Variants in BHMT2 observed in about 807,000 individuals in gnomAD.
BHMT2 encodes S-methylmethionine--homocysteine S-methyltransferase BHMT2.
BHMT2 carries 28 observed loss-of-function variants against 39.0 expected under a neutral mutation model. That is an observed-to-expected ratio of 0.72 (90% CI 0.53 to 0.98). The LOEUF is 0.98. Among genes scored for constraint, BHMT2 ranks in the 50% least tolerant of loss-of-function variants. The probability of loss-of-function intolerance (pLI) is 0.00; values close to 1 mark genes in which losing one functional copy is unlikely to be tolerated. For missense variants in BHMT2, 410 were observed against 455.6 expected, an observed-to-expected ratio of 0.90 and a Z score of 0.91; for synonymous variants, 145 against 160.6, an observed-to-expected ratio of 0.90 and a Z score of 0.74.
intron 1 of BHMT2, among the ~76,000 whole-genome samples, chr5:79,076,548 A>C (rs1755676796): frequency 6.6e-6 from 1 of 152,176 alleles, no homozygotes; most frequent in African/African-American, 2.4e-5. Flanking sequence ...TGAGTGGGCT[A>C]AATAGGAAGG....
intron 6 of BHMT2, 86 bp from the exon 7 acceptor site, chr5:79,083,538 GTTTT>G: frequency 6.6e-7 from 1 of 1,519,472 alleles, no homozygotes; most frequent in Non-Finnish European, 8.8e-7. Context: ...AAAGTTTATA[GTTTT>G]TTTAATTGGA....
intron 4 of BHMT2, among the ~76,000 whole-genome samples, chr5:79,081,376 C>T (rs148171182): frequency 6.6e-6 from 1 of 152,332 alleles, no homozygotes; most frequent in African/African-American, 2.4e-5. Context: ...TCTCTGCTTT[C>T]ACTCAAGCTA....
intron 2 of BHMT2, 46 bp downstream of exon 2, chr5:79,077,658 T>C: frequency 6.4e-7 from 1 of 1,563,050 alleles, no homozygotes; most frequent in South Asian, 1.2e-5. Flanking sequence ...TGGTATTTTA[T>C]TTAAATCTGA....
chr5:79,072,162 G>A (rs990308936), intron 1 of BHMT2, among the ~76,000 whole-genome samples: 4 of 152,172 alleles, frequency 2.6e-5, no homozygotes, highest in East Asian at 1.9e-4. Context: ...AGCTACTTGC[G>A]AGGCTGAGGC....
At chr5:79,074,158 C>T (rs1056530023) in intron 1 of BHMT2, among the ~76,000 whole-genome samples, 1 of 152,164 alleles carries the variant, frequency 6.6e-6, no homozygotes, top group African/African-American at 2.4e-5. Context: ...TTCTAGGGGT[C>T]ATTTCTGGAA....
chr5:79,088,816 T>C lies in BHMT2; in HGVS notation c.*242T>C. On this transcript the variant is annotated 3_prime_UTR_variant, in exon 8 of 8. Transcript: ENST00000255192. ...AAGAGAAGCGAGAGAGGCACCTTGT[T>C]CTCCAAGAACTTACTGTCCAATCAT... 1 of 370,670 alleles carries C rather than the reference T, an allele frequency of 2.7e-6. No individual in the cohort carries two copies. Among genetic ancestry groups the C allele is most frequent in the Admixed American group, 4.6e-5 (1 of 21,760 alleles). 23.0% of individuals were successfully genotyped at this position (370,670 alleles called of 1,614,324 possible).
In BHMT2 at chr5:79,082,899, G is replaced by C. The variant is rs1346466077; in HGVS notation, c.541G>C (p.Glu181Gln). The stretch of plus-strand genomic sequence containing the variant: ...GGCAGTTACCATGTGCATAGGCCCA[G>C]AGGGAGACATGCATGATATAACCCC... ...PVAVTMCIGPEGDMHDITPGE... is the reference protein window; with the variant it reads ...PVAVTMCIGPQGDMHDITPGE... Residue 181 changes from glutamate to glutamine, a missense_variant, in exon 5 of 8, where the codon GAG (glutamate) becomes CAG (glutamine). Coordinates refer to ENST00000255192, the MANE Select transcript of BHMT2 (RefSeq NM_017614.5). 1.9e-6 allele frequency: 3 copies of C among 1,614,090 alleles called. No individual in the cohort carries two copies. In the South Asian group the frequency reaches 3.3e-5, roughly 18 times the overall value.
chr5:79,070,850 T>A (rs186773783), intron 1 of BHMT2, among the ~76,000 whole-genome samples: 7 of 152,310 alleles, frequency 4.6e-5, no homozygotes, highest in Admixed American at 1.3e-4. Context: ...AATATTTATA[T>A]ACACACTGTA....
At chr5:79,078,041 T>G (rs1755710578) in intron 2 of BHMT2, 1 of 153,074 alleles carries the variant, frequency 6.5e-6, no homozygotes, top group Admixed American at 6.5e-5. Context: ...CATCTTAATA[T>G]TTGTTCCATG....
intron 7 of BHMT2, among the ~76,000 whole-genome samples, chr5:79,086,177 A>G (rs1441817928): frequency 6.6e-6 from 1 of 152,066 alleles, no homozygotes; most frequent in African/African-American, 2.4e-5. Flanking sequence ...CTCCCCGGTA[A>G]TTCTCTTGGG....
rs1461313906 is a variant in BHMT2, at chr5:79,088,634, C to T, written c.*60C>T. On this transcript the variant is annotated 3_prime_UTR_variant, in exon 8 of 8. Transcript: ENST00000255192. ...AGGAAAAAGTTGCCCTCAAGCCTGACCTGGAACCGTTCCTCACCTTCATCC... is the reference window on the plus strand; with the variant it reads ...AGGAAAAAGTTGCCCTCAAGCCTGATCTGGAACCGTTCCTCACCTTCATCC... 1 of 1,414,308 alleles carries T rather than the reference C, an allele frequency of 7.1e-7. No homozygotes were observed. The highest frequency in any genetic ancestry group is 1.4e-5 in the African/African-American group (1 of 70,670). The allele number at this position is 1,414,308 out of a possible 1,614,324, so 87.6% of individuals were successfully genotyped here. A position where few individuals can be genotyped will look rare whatever the true frequency, so the allele number is the denominator to read the frequency against.
intron 1 of BHMT2, among the ~76,000 whole-genome samples, chr5:79,073,156 G>A (rs2112692936): frequency 6.6e-6 from 1 of 152,120 alleles, no homozygotes; most frequent in East Asian, 1.9e-4. Flanking sequence ...TAGAGATGGA[G>A]TTTCACCATG....
intron 2 of BHMT2, 185 bp downstream of exon 2, chr5:79,077,797 C>G: frequency 3.4e-6 from 2 of 580,372 alleles, no homozygotes; most frequent in Non-Finnish European, 5.7e-6. Flanking sequence ...CTCTCTCTCT[C>G]TCATACACAC....
rs1395296035 is a variant in BHMT2 at position 79,083,841 on chromosome 5, C to T, written c.995C>T (p.Pro332Leu). ...AGTGGTTTGGACATGCACACCAAAC[C>T]CTGGATTAGAGCAAGGTAAGCATTT... ...WGSGLDMHTK[P>L]WIRARARREY... is the part of the protein sequence containing the mutation. Residue 332 changes from proline (P) to leucine (L), a missense_variant, in exon 7 of 8, where the codon CCC (proline) becomes CTC (leucine). Physicochemically the swap from Pro to Leu is moderately conservative, Grantham distance 98 (BLOSUM62 -3). Coordinates refer to ENST00000255192, the MANE Select transcript of BHMT2 (RefSeq NM_017614.5). The T allele has an allele frequency of 3.1e-6, 5 of 1,613,560 alleles. No individual in the cohort carries two copies. In the South Asian group the frequency reaches 3.3e-5, roughly 11 times the overall value.
rs746347820 is a variant in BHMT2 at position 79,088,592 on chromosome 5, C to A, written c.*18C>A. ...ACTTCTAAGGAGTAGTGAAAGAAAA[C>A]CCTGAAATAATCGAACAGGAAAAAG... On this transcript the variant is annotated 3_prime_UTR_variant, in exon 8 of 8. Coordinates refer to ENST00000255192, the MANE Select transcript of BHMT2 (RefSeq NM_017614.5). The A allele has an allele frequency of 1.2e-5, 20 of 1,609,174 alleles. No homozygotes were observed. The highest frequency in any genetic ancestry group is 1.6e-5 in the Non-Finnish European group (19 of 1,176,954).
chr5:79,089,010 G>T lies in BHMT2; in HGVS notation c.*436G>T, dbSNP rs1363930040. ...TAGAGCAACACTAAACTAAAGCAAT[G>T]AGTCTGCTTTTTTTAATGATTTATA... On this transcript the variant is annotated 3_prime_UTR_variant, in exon 8 of 8. Coordinates refer to ENST00000255192, the MANE Select transcript of BHMT2 (RefSeq NM_017614.5). 6.5e-6 allele frequency: 1 copy of T among 153,890 alleles called. No individual in the cohort carries two copies. The highest frequency in any genetic ancestry group is 2.4e-5 in the African/African-American group (1 of 41,574). 9.5% of individuals were successfully genotyped at this position (153,890 alleles called of 1,614,324 possible).
chr5:79,082,759 C>A (rs368117476), intron 4 of BHMT2, 50 bp from the exon 5 acceptor site: 2 of 1,595,458 alleles, frequency 1.3e-6, no homozygotes, highest in East Asian at 2.2e-5. Context: ...CTTTACCATT[C>A]AAAATCTGCT....
At chr5:79,085,236 T>A (rs1298854282) in intron 7 of BHMT2, among the ~76,000 whole-genome samples, 1 of 152,240 alleles carries the variant, frequency 6.6e-6, no homozygotes, top group South Asian at 2.1e-4. Context: ...TTTATTTTTG[T>A]CTCCCTCTAT....
chr5:79,083,179 T>C lies in BHMT2; in HGVS notation c.599-13T>C, dbSNP rs372998863. 20 of 1,613,530 alleles carry C rather than the reference T, an allele frequency of 1.2e-5. No homozygotes were observed. In the African/African-American group the frequency reaches 2.4e-4, roughly 19 times the overall value. On this transcript the variant is annotated splice_polypyrimidine_tract_variant and intron_variant, in intron 5 of 7. Transcript: ENST00000255192. Reference sequence around the variant, plus strand: ...AATAAATAATAAAATGTAAGTGTTATTTCTTTGCACAGGGGCTTCCATCGT... The same window carrying C: ...AATAAATAATAAAATGTAAGTGTTACTTCTTTGCACAGGGGCTTCCATCGT...
Sources: gnomAD v4.1 joint callset for allele counts (sites outside exome capture counted in the v4.1 genomes callset) on GRCh38, gnomAD v4.1.1 for gene constraint, MANE v1.5 for transcripts, NCBI Gene and HGNC (gene_info 2026-07-23, HGNC 2026-07-21) for gene names.